The following SLF2 variants were observed in gnomAD, a reference collection of about 807,000 sequenced individuals.
The protein encoded by SLF2 is SMC5/6 complex localization factor 2.
SLF2 carries 68 observed loss-of-function variants against 124.3 expected under a neutral mutation model. That is an observed-to-expected ratio of 0.55 (90% CI 0.45 to 0.67). The LOEUF is 0.67. Ranked by LOEUF, SLF2 falls within the 30% of genes least tolerant of loss-of-function variation. SLF2 has a pLI of 0.00. For synonymous variants in SLF2, 480 were observed against 478.8 expected (o/e 1.00, Z -0.03); for missense variants, 1,246 against 1,373.7 (o/e 0.91, Z 1.47).
At chr10:100,932,692 A>AGTGTGTGTGTGTGT (rs111530755) in intron 9 of SLF2, among the ~76,000 whole-genome samples, 1 of 133,630 alleles carries the variant, frequency 7.5e-6, no homozygotes, top group African/African-American at 2.6e-5. Flanking sequence ...ACAAACAATA[A>AGTGTGTGTGTGTGT]GTGTGTGTGT....
chr10:100,922,888 G>A (rs923179407), intron 4 of SLF2, among the ~76,000 whole-genome samples: 2 of 151,022 alleles, frequency 1.3e-5, no homozygotes, highest in Non-Finnish European at 2.9e-5. Context: ...CGATTCTCCT[G>A]TCTTGGCCTC....
intron 16 of SLF2, 67 bp downstream of exon 16, chr10:100,950,274 G>A: frequency 6.7e-7 from 1 of 1,484,008 alleles, no homozygotes. Context: ...ACTAACCATA[G>A]ACTGATATGT....
chr10:100,932,848 A>G (rs959805223), intron 9 of SLF2, among the ~76,000 whole-genome samples: 20 of 148,248 alleles, frequency 1.3e-4, no homozygotes, highest in African/African-American at 4.4e-4. Context: ...TTTAAAGTGT[A>G]AAGTAGTTGA....
chr10:100,925,184 C>G (rs955793479), intron 5 of SLF2, among the ~76,000 whole-genome samples: 1 of 152,168 alleles, frequency 6.6e-6, no homozygotes, highest in Non-Finnish European at 1.5e-5. Flanking sequence ...TTTGATCACA[C>G]ACACTTAACA....
rs566552731 is a variant in SLF2, at chr10:100,962,129, T to G, written c.*217T>G. The stretch of plus-strand genomic sequence containing the variant: ...CTTAATTGTTAAGGCAACTGACCTT[T>G]CAAAAGTGCAGAGTCTTATTAAAAG... On this transcript the variant is annotated 3_prime_UTR_variant, in exon 20 of 20. Transcript: ENST00000238961. The G allele has an allele frequency of 3.7e-5, 16 of 427,690 alleles. No homozygotes were observed. Among genetic ancestry groups the G allele is most frequent in the African/African-American group, 1.2e-4 (6 of 49,906 alleles). 26.5% of individuals were successfully genotyped at this position (427,690 alleles called of 1,614,324 possible).
chr10:100,940,255 G>A (rs1425519223), intron 11 of SLF2, among the ~76,000 whole-genome samples: 5 of 152,198 alleles, frequency 3.3e-5, no homozygotes, highest in Non-Finnish European at 2.9e-5. Flanking sequence ...TTGTATACTG[G>A]TGAGTAAAGA....
At chr10:100,927,005 A>G (rs189020516) in intron 6 of SLF2, among the ~76,000 whole-genome samples, 50 of 152,262 alleles carry the variant, frequency 3.3e-4, no homozygotes, top group African/African-American at 1.2e-3. Context: ...CTAATAATAT[A>G]AATTCCTTTC....
chr10:100,913,343 C>T (rs564775404), intron 1 of SLF2, 93 bp downstream of exon 1: 50 of 1,382,534 alleles, frequency 3.6e-5, no homozygotes, highest in Middle Eastern at 2.4e-4. Context: ...TTCCCGCCAT[C>T]CTCCGCGAGC....
chr10:100,946,177 C>T (rs779313906), intron 13 of SLF2, among the ~76,000 whole-genome samples: 1 of 152,116 alleles, frequency 6.6e-6, no homozygotes, highest in Non-Finnish European at 1.5e-5. Context: ...CTAAGTATCA[C>T]TTTGCTTCAA....
At chr10:100,947,923 A>G in intron 15 of SLF2, 76 bp downstream of exon 15, 2 of 1,061,600 alleles carry the variant, frequency 1.9e-6, no homozygotes, top group Non-Finnish European at 2.9e-6. Flanking sequence ...ATGAACCCTA[A>G]GTCAAAGGTC....
At chr10:100,944,935 C>T (rs1424649462) in intron 12 of SLF2, among the ~76,000 whole-genome samples, 6 of 151,886 alleles carry the variant, frequency 4.0e-5, no homozygotes, top group African/African-American at 7.3e-5. Flanking sequence ...GAGGCTGAGG[C>T]GGGAGAATCA....
At chr10:100,938,909 T>C (rs1849916332) in intron 11 of SLF2, among the ~76,000 whole-genome samples, 173 bp downstream of exon 11, 1 of 152,260 alleles carries the variant, frequency 6.6e-6, no homozygotes, top group South Asian at 2.1e-4. Context: ...CATCATCATG[T>C]TTAGCAGGCA....
intron 6 of SLF2, among the ~76,000 whole-genome samples, chr10:100,928,068 C>CAAGAGAGAGACAGAGA (rs1491324670): frequency 1.7e-5 from 1 of 59,534 alleles, no homozygotes; most frequent in African/African-American, 5.6e-5. Context: ...CACACACACA[C>CAAGAGAGAGACAGAGA]GAGAGAGAGA....
intron 11 of SLF2, among the ~76,000 whole-genome samples, chr10:100,942,650 C>G (rs1176282687): frequency 1.3e-5 from 2 of 152,184 alleles, no homozygotes; most frequent in Non-Finnish European, 2.9e-5. Context: ...TCCCGAGTAG[C>G]TGGGATTACA....
chr10:100,925,091 C>A, intron 5 of SLF2, 119 bp downstream of exon 5: 1 of 1,049,444 alleles, frequency 9.5e-7, no homozygotes, highest in Non-Finnish European at 1.3e-6. Flanking sequence ...CATATTTGTA[C>A]TGAAAATGGA....
intron 19 of SLF2, 86 bp from the exon 20 acceptor site, chr10:100,961,791 G>A: frequency 8.8e-7 from 1 of 1,138,310 alleles, no homozygotes; most frequent in South Asian, 1.6e-5. Flanking sequence ...AAAGCCCATT[G>A]TCTGATGATT....
chr10:100,931,035 A>G lies in SLF2; in HGVS notation c.2393A>G (p.His798Arg), dbSNP rs1419064593. 1 of 1,614,106 alleles carries G rather than the reference A, an allele frequency of 6.2e-7. No homozygotes were observed. The highest frequency in any genetic ancestry group is 8.5e-7 in the Non-Finnish European group (1 of 1,180,002). ...CAAGGTTTCCTTACGTCTGCTTATC[A>G]CTATGTCCAGTGTCCTGTCCCTGTG... ...TTQGFLTSAY[H>R]YVQCPVPVLK... Residue 798 changes from histidine to arginine, a missense_variant, in exon 9 of 20, where the codon CAC becomes CGC. Coordinates refer to ENST00000238961, the MANE Select transcript of SLF2 (RefSeq NM_018121.4).
chr10:100,930,833 C>A, intron 8 of SLF2, 143 bp from the exon 9 acceptor site: 2 of 610,252 alleles, frequency 3.3e-6, no homozygotes, highest in Non-Finnish European at 5.8e-6. Context: ...GTAACTCATC[C>A]ATATTGGTAT....
chr10:100,932,692 A>AGT (rs111530755), intron 9 of SLF2, among the ~76,000 whole-genome samples: 778 of 133,604 alleles, frequency 5.8e-3, no homozygotes, highest in Middle Eastern at 0.013. Flanking sequence ...ACAAACAATA[A>AGT]GTGTGTGTGT....
Sources: gnomAD v4.1 joint callset for allele counts (sites outside exome capture counted in the v4.1 genomes callset) on GRCh38, gnomAD v4.1.1 for gene constraint, MANE v1.5 for transcripts, NCBI Gene and HGNC (gene_info 2026-07-23, HGNC 2026-07-21) for gene names.